Variants in ZMIZ1 observed in about 807,000 individuals in gnomAD.
ZMIZ1 encodes zinc finger MIZ-type containing 1.
ZMIZ1 carries 17 observed loss-of-function variants against 113.9 expected under a neutral mutation model. The observed-to-expected ratio is 0.15, with a 90% CI of 0.10 to 0.22. The LOEUF is 0.22. Among genes scored for constraint, ZMIZ1 ranks in the 10% least tolerant of loss-of-function variants. The probability of loss-of-function intolerance (pLI) is 1.00; values close to 1 mark genes in which losing one functional copy is unlikely to be tolerated. For synonymous variants in ZMIZ1, 607 were observed against 603.1 expected (o/e 1.01, Z -0.09); for missense variants, 1,059 against 1,477.8 (o/e 0.72, Z 4.65).
intron 4 of ZMIZ1, among the ~76,000 whole-genome samples, chr10:79,186,055 C>T (rs1847338759): frequency 6.6e-6 from 1 of 152,264 alleles, no homozygotes; most frequent in Non-Finnish European, 1.5e-5. Flanking sequence ...TGTTCACTTT[C>T]AGGTCCCTGG....
intron 21 of ZMIZ1, 72 bp from the exon 22 acceptor site, chr10:79,306,028 G>A (rs1009297272): frequency 9.6e-6 from 15 of 1,560,446 alleles, no homozygotes; most frequent in East Asian, 2.2e-5. Flanking sequence ...GGTGTCTGTC[G>A]GAGCTGGAGG....
intron 23 of ZMIZ1, among the ~76,000 whole-genome samples, chr10:79,309,288 G>A (rs186397454): frequency 1.1e-4 from 16 of 152,292 alleles, no homozygotes; most frequent in Non-Finnish European, 1.9e-4. Context: ...AGCCAGATAC[G>A]AAGCTGAGGG....
chr10:79,290,569 A>G (rs1853417415), intron 9 of ZMIZ1, among the ~76,000 whole-genome samples: 1 of 152,136 alleles, frequency 6.6e-6, no homozygotes, highest in Admixed American at 6.5e-5. Flanking sequence ...CTGTGTGACA[A>G]GACGCTGGCA....
rs751961170 is a variant in ZMIZ1, at chr10:79,292,263, GGCA to G, written c.876_878del (p.Ala293del). ...CGGCAGCCGCTGCAGCAGCGGCAGT[GGCA>G]GCAGCAGCAGCCACAGCTACAGCCA... On this transcript the variant is annotated inframe_deletion, in exon 11 of 25. Transcript: ENST00000334512. The G allele has an allele frequency of 1.2e-6, 2 of 1,611,670 alleles. No individual in the cohort carries two copies. Among genetic ancestry groups the G allele is most frequent in the Non-Finnish European group, 1.7e-6 (2 of 1,179,434 alleles).
At chr10:79,113,412 C>A (rs1843835807) in intron 1 of ZMIZ1, among the ~76,000 whole-genome samples, 1 of 152,180 alleles carries the variant, frequency 6.6e-6, no homozygotes, top group Non-Finnish European at 1.5e-5. Flanking sequence ...GCTGCCCGGG[C>A]AGCTAGGGTG....
chr10:79,239,740 C>A (rs966070570), intron 7 of ZMIZ1, among the ~76,000 whole-genome samples: 1 of 152,140 alleles, frequency 6.6e-6, no homozygotes, highest in African/African-American at 2.4e-5. Flanking sequence ...ACCACTTTGA[C>A]CCCTGGGTGA....
At chr10:79,286,301 C>A (rs1051859479) in intron 8 of ZMIZ1, among the ~76,000 whole-genome samples, 1 of 152,230 alleles carries the variant, frequency 6.6e-6, no homozygotes, top group Non-Finnish European at 1.5e-5. Flanking sequence ...GGAACAGGGA[C>A]CAGGCATTCC....
At chr10:79,169,324 T>G (rs959573669) in intron 4 of ZMIZ1, among the ~76,000 whole-genome samples, 1 of 152,188 alleles carries the variant, frequency 6.6e-6, no homozygotes, top group Non-Finnish European at 1.5e-5. Context: ...CCCCAGCAAT[T>G]CCCTCTCAGG....
chr10:79,266,220 T>C (rs1229498066), intron 7 of ZMIZ1, among the ~76,000 whole-genome samples: 1 of 152,084 alleles, frequency 6.6e-6, no homozygotes, highest in Admixed American at 6.6e-5. Context: ...GCACCAAGTC[T>C]TAGGAGTGGG....
intron 8 of ZMIZ1, among the ~76,000 whole-genome samples, chr10:79,288,301 C>A (rs1417316913): frequency 9.9e-5 from 15 of 152,228 alleles, no homozygotes; most frequent in Admixed American, 9.8e-4. Context: ...GGCTGGGCTC[C>A]TTGCATCCCC....
intron 12 of ZMIZ1, chr10:79,295,643 C>T (rs533650488): frequency 2.0e-5 from 3 of 152,372 alleles, no homozygotes; most frequent in Non-Finnish European, 4.4e-5. Flanking sequence ...GTAGATTCTT[C>T]CACACTGACA....
At chr10:79,109,844 A>G (rs1843676570) in intron 1 of ZMIZ1, among the ~76,000 whole-genome samples, 1 of 152,250 alleles carries the variant, frequency 6.6e-6, no homozygotes. Context: ...TTGTGAGGAC[A>G]AAAGGGGTGC....
chr10:79,112,589 G>A (rs539895372), intron 1 of ZMIZ1, among the ~76,000 whole-genome samples: 1 of 152,270 alleles, frequency 6.6e-6, no homozygotes, highest in African/African-American at 2.4e-5. Context: ...TTGTACAGAG[G>A]AGGGGAGCAG....
intron 1 of ZMIZ1, among the ~76,000 whole-genome samples, chr10:79,102,954 C>T (rs1843416873): frequency 6.6e-6 from 1 of 152,228 alleles, no homozygotes; most frequent in African/African-American, 2.4e-5. Context: ...GAGGTGCTGA[C>T]CCTCCTGGGG....
intron 7 of ZMIZ1, among the ~76,000 whole-genome samples, chr10:79,217,184 G>A (rs1848767754): frequency 6.6e-6 from 1 of 152,244 alleles, no homozygotes; most frequent in African/African-American, 2.4e-5. Context: ...AGCACTTTGG[G>A]AGGCCGAGGC....
rs115473717 is a variant in ZMIZ1 at position 79,149,263 on chromosome 10, C to T, written c.-131+9486C>T. On this transcript the variant is annotated intron_variant, in intron 3 of 24. Transcript: ENST00000334512. ...CAGCACTAAGCCAAGAGGCTTTTGT[C>T]CCTGGTGGGCTGTCGGCCAGCTGGA... Among the ~76,000 whole-genome samples, 1,505 of 152,316 alleles carry T rather than the reference C, an allele frequency of 9.9e-3. 21 individuals are homozygous for T. Among genetic ancestry groups the T allele is most frequent in the African/African-American group, 0.034 (1,426 of 41,572 alleles).
chr10:79,177,445 G>A (rs1186034029), intron 4 of ZMIZ1, among the ~76,000 whole-genome samples: 1 of 152,224 alleles, frequency 6.6e-6, no homozygotes, highest in African/African-American at 2.4e-5. Flanking sequence ...AAGGCTTACA[G>A]GTTTAGTTCA....
intron 2 of ZMIZ1, among the ~76,000 whole-genome samples, chr10:79,130,090 A>G (rs1423360200): frequency 1.3e-5 from 2 of 151,984 alleles, no homozygotes; most frequent in Non-Finnish European, 2.9e-5. Flanking sequence ...CCCCACATCC[A>G]ACAGTTGATT....
intron 7 of ZMIZ1, among the ~76,000 whole-genome samples, chr10:79,238,948 G>C (rs77665938): frequency 0.041 from 6,231 of 152,264 alleles, 202 homozygotes; most frequent in South Asian, 0.14. Flanking sequence ...TGGGCCCCTA[G>C]CTCTGTGACC....
Sources: allele counts gnomAD v4.1 joint callset (sites outside exome capture counted in the v4.1 genomes callset), GRCh38; gene constraint gnomAD v4.1.1; transcripts MANE v1.5; gene names NCBI Gene and HGNC (gene_info 2026-07-23, HGNC 2026-07-21).